B3GALT1: variants seen among roughly 807,000 people sequenced by gnomAD.
B3GALT1 encodes beta-1,3-galactosyltransferase 1.
Under a neutral mutation model 23.2 loss-of-function variants are expected in B3GALT1, and 10 were observed. The ratio of observed to expected loss-of-function variants is 0.43; its 90% confidence interval spans 0.27 to 0.73. The LOEUF is 0.73. B3GALT1 is among the 30% of genes least tolerant of loss of function. The pLI, the probability that B3GALT1 is intolerant of heterozygous loss-of-function variation, is 0.21. For synonymous variants in B3GALT1, 156 were observed against 141.5 expected (o/e 1.10, Z -0.73); for missense variants, 299 against 405.4 (o/e 0.74, Z 2.25).
At chr2:167,625,985 A>ATT (rs1324767675) in intron 2 of B3GALT1, among the ~76,000 whole-genome samples, 3 of 120,144 alleles carry the variant, frequency 2.5e-5, no homozygotes, top group African/African-American at 9.2e-5. Flanking sequence ...ATATATATAT[A>ATT]TGACCTAAGC....
chr2:167,416,311 G>T (rs1574070395), intron 1 of B3GALT1, among the ~76,000 whole-genome samples: 1 of 152,170 alleles, frequency 6.6e-6, no homozygotes, highest in Non-Finnish European at 1.5e-5. Flanking sequence ...CCCAGCTGTG[G>T]CTCAAGTGGC....
chr2:167,724,842 G>A (rs549541694), intron 3 of B3GALT1, among the ~76,000 whole-genome samples: 30 of 152,266 alleles, frequency 2.0e-4, no homozygotes, highest in African/African-American at 7.0e-4. Context: ...ATGGAGATAC[G>A]CAGTTGCAAA....
chr2:167,782,686 A>T (rs1410788738), intron 3 of B3GALT1, among the ~76,000 whole-genome samples: 1 of 152,142 alleles, frequency 6.6e-6, no homozygotes, highest in Non-Finnish European at 1.5e-5. Context: ...CCTGGGGGGG[A>T]AAGTTATTTT....
rs529621403 is a variant in B3GALT1, at chr2:167,485,636, C to T, written c.-510-4541C>T. Among the ~76,000 whole-genome samples, 23 of 152,200 alleles carry T rather than the reference C, an allele frequency of 1.5e-4. No individual in the cohort carries two copies. The East Asian group carries it at 2.3e-3, about 15-fold the overall frequency. On this transcript the variant is annotated intron_variant, in intron 1 of 4. Transcript: ENST00000392690. ...TACGAAGTTAATTTAGAGGAATGGC[C>T]GTGTGTCCTTAGTACTTTGCATGAA...
At chr2:167,473,887 A>G (rs1234775721) in intron 1 of B3GALT1, among the ~76,000 whole-genome samples, 1 of 152,148 alleles carries the variant, frequency 6.6e-6, no homozygotes, top group Non-Finnish European at 1.5e-5. Flanking sequence ...TAGCGTAGAG[A>G]CACGTGAAGT....
At chr2:167,343,373 A>AT (rs1697179651) in intron 1 of B3GALT1, among the ~76,000 whole-genome samples, 1 of 152,182 alleles carries the variant, frequency 6.6e-6, no homozygotes, top group South Asian at 2.1e-4. Flanking sequence ...CTATGAATAT[A>AT]TTTTTCTGAG....
intron 2 of B3GALT1, among the ~76,000 whole-genome samples, chr2:167,603,900 T>C (rs1449987127): frequency 6.6e-6 from 1 of 152,108 alleles, no homozygotes; most frequent in Non-Finnish European, 1.5e-5. Context: ...GTTCTTTTTT[T>C]TTTTCAAATC....
intron 3 of B3GALT1, among the ~76,000 whole-genome samples, chr2:167,732,659 A>C (rs1687427076): frequency 6.6e-6 from 1 of 152,256 alleles, no homozygotes; most frequent in Non-Finnish European, 1.5e-5. Flanking sequence ...AGGGAGTAGA[A>C]AAGGGAAGTA....
At chr2:167,590,401 T>C (rs1684659237) in intron 2 of B3GALT1, among the ~76,000 whole-genome samples, 1 of 148,694 alleles carries the variant, frequency 6.7e-6, no homozygotes, top group Non-Finnish European at 1.5e-5. Flanking sequence ...CTGGGCTTAA[T>C]ACCTAGGTGA....
intron 3 of B3GALT1, among the ~76,000 whole-genome samples, chr2:167,658,321 T>C (rs979380445): frequency 1.8e-4 from 27 of 151,980 alleles, no homozygotes; most frequent in African/African-American, 6.5e-4. Flanking sequence ...TAGATGCTGG[T>C]AGAAAAAAAA....
intron 3 of B3GALT1, among the ~76,000 whole-genome samples, chr2:167,758,958 A>T (rs1227796292): frequency 6.6e-6 from 1 of 152,030 alleles, no homozygotes; most frequent in Non-Finnish European, 1.5e-5. Context: ...GCCTCGCAGC[A>T]CCTTTCCTCC....
At chr2:167,441,800 G>A (rs972588088) in intron 1 of B3GALT1, among the ~76,000 whole-genome samples, 2 of 151,894 alleles carry the variant, frequency 1.3e-5, no homozygotes. Flanking sequence ...GCCTGAGATG[G>A]GAGAATCATT....
intron 2 of B3GALT1, among the ~76,000 whole-genome samples, chr2:167,548,689 T>TGTGTGTGTGTGTGTGTGTGTGAGA (rs1553466251): frequency 1.6e-4 from 21 of 129,824 alleles, no homozygotes; most frequent in African/African-American, 8.6e-4. Flanking sequence ...TGTGTGAGTG[T>TGTGTGTGTGTGTGTGTGTGTGAGA]GTGTGTGTGT....
intron 1 of B3GALT1, among the ~76,000 whole-genome samples, chr2:167,302,562 C>G (rs185283966): frequency 1.3e-5 from 2 of 152,052 alleles, no homozygotes; most frequent in African/African-American, 4.8e-5. Flanking sequence ...TTGCTTTTCA[C>G]ATCTTTATCT....
At position 167,595,495 on chromosome 2, in the gene B3GALT1, A is replaced by G. The variant is rs560224427; in HGVS notation, c.-409-51414A>G. Among the ~76,000 whole-genome samples, 7 of 132,552 alleles carry G rather than the reference A, an allele frequency of 5.3e-5. No homozygotes were observed. The East Asian group carries it at 1.6e-3, about 31-fold the overall frequency. The allele number at this position is 132,552 out of a possible 152,430, so 87.0% of individuals were successfully genotyped here. ...ATTGTGCCTTCCTCCACATGTGTGT[A>G]TGTATATGTTCGGGGGACTTACAAA... On this transcript the variant is annotated intron_variant, in intron 2 of 4. Coordinates refer to ENST00000392690, the MANE Select transcript of B3GALT1 (RefSeq NM_020981.4).
chr2:167,572,564 A>G (rs758756058), intron 2 of B3GALT1, among the ~76,000 whole-genome samples: 4 of 151,744 alleles, frequency 2.6e-5, no homozygotes, highest in Non-Finnish European at 5.9e-5. Context: ...CTCACCAACA[A>G]AACAAAGATT....
chr2:167,769,149 A>G (rs1450102914), intron 3 of B3GALT1, among the ~76,000 whole-genome samples: 1 of 152,108 alleles, frequency 6.6e-6, no homozygotes, highest in Non-Finnish European at 1.5e-5. Flanking sequence ...CCCAGGGCCA[A>G]GCAATCTCTC....
At chr2:167,833,609 C>T (rs1689395430) in intron 4 of B3GALT1, among the ~76,000 whole-genome samples, 1 of 152,142 alleles carries the variant, frequency 6.6e-6, no homozygotes, top group South Asian at 2.1e-4. Flanking sequence ...CTTCTTTTCT[C>T]CCACCATTGA....
At chr2:167,759,019 T>C (rs940554314) in intron 3 of B3GALT1, among the ~76,000 whole-genome samples, 4 of 152,218 alleles carry the variant, frequency 2.6e-5, no homozygotes, top group Non-Finnish European at 5.9e-5. Flanking sequence ...CCAACTGGTG[T>C]TGGGGGCTGG....
Sources: allele counts gnomAD v4.1 joint callset (sites outside exome capture counted in the v4.1 genomes callset), GRCh38; gene constraint gnomAD v4.1.1; transcripts MANE v1.5; gene names NCBI Gene and HGNC (gene_info 2026-07-23, HGNC 2026-07-21).